PCDH7: variants seen among roughly 807,000 people sequenced by gnomAD.
PCDH7 encodes protocadherin-7.
PCDH7 carries 17 observed loss-of-function variants against 58.9 expected under a neutral mutation model. The ratio of observed to expected loss-of-function variants is 0.29; its 90% CI spans 0.20 to 0.43. PCDH7 has a LOEUF of 0.43. Among genes scored for constraint, PCDH7 ranks in the 20% least tolerant of loss-of-function variants. The pLI is 1.00. For missense variants in PCDH7, 1,274 were observed against 1,441.0 expected (o/e 0.88, Z 1.88); for synonymous variants, 664 against 616.4 (o/e 1.08, Z -1.14).
intron 1 of PCDH7, among the ~76,000 whole-genome samples, chr4:30,797,586 T>C (rs943464900): frequency 5.9e-5 from 9 of 152,218 alleles, no homozygotes; most frequent in African/African-American, 2.2e-4. Flanking sequence ...CTTCCTACTT[T>C]TAATAATGAA....
chr4:30,958,141 C>G (rs1017621734), intron 3 of PCDH7, among the ~76,000 whole-genome samples: 4 of 151,914 alleles, frequency 2.6e-5, no homozygotes, highest in Non-Finnish European at 5.9e-5. Flanking sequence ...AAGGAGGTTA[C>G]AGTTTTTTAA....
Position 31,014,262 on chromosome 4 carries a change from T to C in PCDH7, c.*7+64047T>C, listed in dbSNP as rs569769016. 2.0e-5 allele frequency among the ~76,000 whole-genome samples: 3 copies of C among 152,276 alleles called. No homozygotes were observed. In the South Asian group the frequency reaches 6.2e-4, roughly 32 times the overall value. ...TGCTTGGAATGCTGCCATTAAAGAATGAATTGTATATATTTAATGTGATAA... is the reference window on the plus strand; with the variant it reads ...TGCTTGGAATGCTGCCATTAAAGAACGAATTGTATATATTTAATGTGATAA... On this transcript the variant is annotated intron_variant, in intron 3 of 3. Transcript: ENST00000509759.
At chr4:30,797,813 C>T (rs75474467) in intron 1 of PCDH7, among the ~76,000 whole-genome samples, 2,045 of 152,018 alleles carry the variant, frequency 0.013, 54 homozygotes, top group African/African-American at 0.047. Flanking sequence ...TCTGGGGGCA[C>T]GCAATAAATA....
At chr4:30,768,350 A>G (rs1056767773) in intron 1 of PCDH7, among the ~76,000 whole-genome samples, 56 of 152,274 alleles carry the variant, frequency 3.7e-4, no homozygotes, top group African/African-American at 1.4e-3. Context: ...TCACTTGCTT[A>G]TTACTGGAAA....
intron 2 of PCDH7, among the ~76,000 whole-genome samples, chr4:30,926,559 G>A (rs1743899870): frequency 2.6e-5 from 4 of 152,178 alleles, no homozygotes; most frequent in African/African-American, 9.7e-5. Flanking sequence ...CACAAATTTA[G>A]CATTTTTAAA....
At chr4:30,903,291 G>A (rs1469446658) in intron 1 of PCDH7, among the ~76,000 whole-genome samples, 1 of 152,016 alleles carries the variant, frequency 6.6e-6, no homozygotes, top group Non-Finnish European at 1.5e-5. Context: ...GGAAGCAAAA[G>A]ACAATAGCTA....
At position 30,865,444 on chromosome 4, in the gene PCDH7, A is replaced by G. The variant is rs138981984; in HGVS notation, c.71-54709A>G. Among the ~76,000 whole-genome samples the G allele has an allele frequency of 3.1e-3, 470 of 152,122 alleles. 3 individuals are homozygous for G. The highest frequency in any genetic ancestry group is 9.0e-3 in the African/African-American group (374 of 41,536). ...GAGTTCCCATCCCTAAGGGTTCTTC[A>G]GGAGAAGCTAGACTATAGTCTGGAA... On this transcript the variant is annotated intron_variant, in intron 1 of 3. Coordinates refer to the PCDH7 transcript ENST00000509759.
At chr4:30,789,896 C>G (rs1235215596) in intron 1 of PCDH7, among the ~76,000 whole-genome samples, 1 of 152,144 alleles carries the variant, frequency 6.6e-6, no homozygotes, top group Non-Finnish European at 1.5e-5. Context: ...TTCCTCTTGC[C>G]TCTATTTTGG....
At chr4:30,970,504 A>G (rs1436884435) in intron 3 of PCDH7, among the ~76,000 whole-genome samples, 2 of 152,048 alleles carry the variant, frequency 1.3e-5, no homozygotes, top group African/African-American at 4.8e-5. Context: ...CATGTTAAAC[A>G]GGGTGGTCTC....
intron 3 of PCDH7, among the ~76,000 whole-genome samples, chr4:30,986,071 T>C (rs1248804377): frequency 6.6e-6 from 1 of 152,176 alleles, no homozygotes; most frequent in Non-Finnish European, 1.5e-5. Context: ...GCAGGATAAT[T>C]TTTACCTGAA....
chr4:30,818,071 C>T (rs888733978), intron 1 of PCDH7, among the ~76,000 whole-genome samples: 3 of 152,090 alleles, frequency 2.0e-5, no homozygotes, highest in Admixed American at 6.6e-5. Context: ...GGGATCTGTA[C>T]CTGCTTAGCC....
At chr4:30,974,062 C>A (rs1393021494) in intron 3 of PCDH7, among the ~76,000 whole-genome samples, 2 of 151,980 alleles carry the variant, frequency 1.3e-5, no homozygotes, top group African/African-American at 2.4e-5. Flanking sequence ...AAAAAAAACA[C>A]ACACTCCTAG....
intron 3 of PCDH7, among the ~76,000 whole-genome samples, chr4:31,107,169 A>G (rs1243282794): frequency 6.6e-6 from 1 of 152,196 alleles, no homozygotes; most frequent in East Asian, 1.9e-4. Context: ...TATATATCTG[A>G]TAAAATTACC....
At chr4:30,972,719 C>G (rs1444037930) in intron 3 of PCDH7, among the ~76,000 whole-genome samples, 1 of 152,152 alleles carries the variant, frequency 6.6e-6, no homozygotes, top group Non-Finnish European at 1.5e-5. Context: ...CGCCCACACC[C>G]TAAGCTTCAT....
intron 3 of PCDH7, among the ~76,000 whole-genome samples, chr4:31,103,829 G>A (rs549129558): frequency 6.6e-6 from 1 of 152,226 alleles, no homozygotes; most frequent in East Asian, 1.9e-4. Flanking sequence ...CACTTAAAGG[G>A]TGTGAGATTT....
At chr4:31,086,713 A>G (rs1052781072) in intron 3 of PCDH7, among the ~76,000 whole-genome samples, 3 of 152,154 alleles carry the variant, frequency 2.0e-5, no homozygotes, top group Non-Finnish European at 4.4e-5. Flanking sequence ...TATTCATGGC[A>G]TCTATCTTAA....
At chr4:31,038,014 G>A (rs772082831) in intron 3 of PCDH7, among the ~76,000 whole-genome samples, 3 of 152,242 alleles carry the variant, frequency 2.0e-5, no homozygotes, top group Non-Finnish European at 4.4e-5. Context: ...GATTCAATAA[G>A]GTTTGGCAGC....
exon 2 of PCDH7, chr4:30,920,340 G>A: frequency 7.3e-7 from 1 of 1,367,504 alleles, no homozygotes; most frequent in Non-Finnish European, 9.8e-7. Context: ...CCGGATGGCA[G>A]TGTTGGTGAG....
At chr4:30,804,511 C>A (rs573076889) in intron 1 of PCDH7, among the ~76,000 whole-genome samples, 4 of 150,386 alleles carry the variant, frequency 2.7e-5, no homozygotes, top group Non-Finnish European at 2.9e-5. Context: ...TGCACTCCAA[C>A]CTGGCAACAG....
Sources: gnomAD v4.1 joint callset for allele counts (sites outside exome capture counted in the v4.1 genomes callset) on GRCh38, gnomAD v4.1.1 for gene constraint, MANE v1.5 for transcripts, NCBI Gene and HGNC (gene_info 2026-07-23, HGNC 2026-07-21) for gene names.